CEP97: variants seen among roughly 807,000 people sequenced by gnomAD.
The protein encoded by CEP97 is centrosomal protein of 97 kDa.
A neutral mutation model predicts 73.1 loss-of-function variants in CEP97; 43 were observed. The ratio of observed to expected loss-of-function variants is 0.59; its 90% CI spans 0.46 to 0.76. CEP97 has a LOEUF of 0.76. CEP97 is among the 30% of genes least tolerant of loss of function. CEP97 has a pLI of 0.00. For missense variants in CEP97, 939 were observed against 1,014.0 expected, an observed-to-expected ratio of 0.93 and a Z score of 1.00; for synonymous variants, 337 against 370.0, an observed-to-expected ratio of 0.91 and a Z score of 1.02.
At chr3:101,749,547 C>G (rs2107169269) in intron 6 of CEP97, among the ~76,000 whole-genome samples, 1 of 130,802 alleles carries the variant, frequency 7.6e-6, no homozygotes, top group South Asian at 2.5e-4. Context: ...ATTTCTAGTT[C>G]TAGATTCCTG....
At chr3:101,762,711 A>G in intron 10 of CEP97, 151 bp downstream of exon 10, 2 of 540,150 alleles carry the variant, frequency 3.7e-6, no homozygotes, top group Non-Finnish European at 6.4e-6. Context: ...GTGAACTAGG[A>G]CAGTGAATTT....
chr3:101,769,658 C>T lies in CEP97; in HGVS notation c.*4107C>T, dbSNP rs561667503. 17 of 152,130 alleles carry T rather than the reference C, an allele frequency of 1.1e-4. No homozygotes were observed. The highest frequency in any genetic ancestry group is 2.2e-4 in the Non-Finnish European group (15 of 68,006). The allele number at this position is 152,130 out of a possible 1,614,324, so 9.4% of individuals were successfully genotyped here. On this transcript the variant is annotated 3_prime_UTR_variant, in exon 11 of 11. Coordinates refer to ENST00000341893, the MANE Select transcript of CEP97 (RefSeq NM_024548.4). ...TGTATATTTTTATTTTTTCCAAACA[C>T]CAGCTCGAATCAGAGTATATTTTTA... is the stretch of plus-strand genomic sequence containing the variant.
In CEP97 at chr3:101,731,882, G is replaced by A; in HGVS notation, c.490G>A (p.Ala164Thr). 6.2e-7 allele frequency: 1 copy of A among 1,611,158 alleles called. No homozygotes were observed. Among genetic ancestry groups the A allele is most frequent in the Admixed American group, 1.7e-5 (1 of 59,932 alleles). Reference protein sequence around the residue: ...HGNIITSLRMAPAYLPRSLAI... With the variant: ...HGNIITSLRMTPAYLPRSLAI... ...AAACATCATCACCTCTCTTAGAATG[G>A]CACCTGCTTACCTACCCAGAAGTCT... is the stretch of plus-strand genomic sequence containing the variant. The change falls in exon 5 of 11, where the codon GCA (alanine) becomes ACA (threonine). Residue 164 changes from alanine to threonine, a missense_variant. Coordinates refer to ENST00000341893, the MANE Select transcript of CEP97 (RefSeq NM_024548.4).
rs1261705606 is a variant in CEP97, at chr3:101,757,756, C to A, written c.1150C>A (p.Leu384Met). The A allele has an allele frequency of 6.2e-7, 1 of 1,614,090 alleles. No homozygotes were observed. The highest frequency in any genetic ancestry group is 1.3e-5 in the African/African-American group (1 of 74,918). The change falls in exon 9 of 11, where the codon CTG (leucine) becomes ATG (methionine). Residue 384 changes from leucine to methionine, a missense_variant. Transcript: ENST00000341893. ...GAGATATTCTCGAAATGATCTGCAC[C>A]TGGAAGACATACAGACGGATGAGGA... The part of the protein sequence containing the change: ...TTRYSRNDLH[L>M]EDIQTDEDKL...
intron 6 of CEP97, 55 bp from the exon 7 acceptor site, chr3:101,755,375 A>G (rs2107180332): frequency 1.4e-6 from 2 of 1,450,884 alleles, no homozygotes; most frequent in South Asian, 1.2e-5. Context: ...TTGCCTGACA[A>G]TGTGTGTTGA....
intron 6 of CEP97, among the ~76,000 whole-genome samples, chr3:101,743,863 G>C (rs1170977169): frequency 6.6e-6 from 1 of 152,102 alleles, no homozygotes; most frequent in Non-Finnish European, 1.5e-5. Context: ...AATTAGCTGG[G>C]TATGGTCGCG....
chr3:101,758,878 G>A (rs1269102994), intron 9 of CEP97: 1 of 156,964 alleles, frequency 6.4e-6, no homozygotes, highest in Non-Finnish European at 1.4e-5. Flanking sequence ...TGGCTCGTAT[G>A]TTTTACTGAC....
chr3:101,736,079 G>T (rs537151052), intron 6 of CEP97, among the ~76,000 whole-genome samples: 1 of 152,262 alleles, frequency 6.6e-6, no homozygotes, highest in East Asian at 1.9e-4. Flanking sequence ...AAAATCTCCC[G>T]CAAGTTCAAA....
intron 6 of CEP97, among the ~76,000 whole-genome samples, chr3:101,754,916 GGGTGGACTATAAGGTT>G (rs1275049459): frequency 6.0e-5 from 9 of 149,060 alleles, no homozygotes; most frequent in African/African-American, 2.0e-4. Context: ...TTTTTTTGAG[GGGTGGACTATAAGGTT>G]GGTGGACTAT....
intron 6 of CEP97, among the ~76,000 whole-genome samples, chr3:101,737,399 G>C (rs930666519): frequency 6.6e-6 from 1 of 152,040 alleles, no homozygotes; most frequent in Non-Finnish European, 1.5e-5. Context: ...TGCCAGATTC[G>C]CCAAAGTTGA....
chr3:101,748,239 G>GT lies in CEP97; in HGVS notation c.729-7181dup, dbSNP rs1378084517. On this transcript the variant is annotated intron_variant, in intron 6 of 10. Transcript: ENST00000341893. Reference sequence around the variant, plus strand: ...AATTGACAGGGAGTTTTTGTTTTTGGTTTTTTTTTTACGTAGGATTTAATA... The same window carrying GT: ...AATTGACAGGGAGTTTTTGTTTTTGGTTTTTTTTTTTACGTAGGATTTAATA... 4.9e-3 allele frequency among the ~76,000 whole-genome samples: 695 copies of GT among 142,658 alleles called. 1 individual carries two copies. Among genetic ancestry groups the GT allele is most frequent in the African/African-American group, 0.015 (601 of 38,848 alleles). The allele number at this position is 142,658 out of a possible 152,430, so 93.6% of individuals were successfully genotyped here. A position where few individuals can be genotyped will look rare whatever the true frequency, so the allele number is the denominator to read the frequency against.
chr3:101,731,412 GC>G (rs1425122145), intron 4 of CEP97, among the ~76,000 whole-genome samples: 1 of 151,766 alleles, frequency 6.6e-6, no homozygotes, highest in Non-Finnish European at 1.5e-5. Context: ...TGTTGCCCAG[GC>G]CGGTCTCAAA....
In CEP97 at chr3:101,768,030, C is replaced by G. The variant is rs908290259; in HGVS notation, c.*2479C>G. ...TGGAAAGTTAAGCTTTGAACATGGTCTTTGTGTTTTTTTCCTAACAAGGAA... is the reference window on the plus strand; with the variant it reads ...TGGAAAGTTAAGCTTTGAACATGGTGTTTGTGTTTTTTTCCTAACAAGGAA... On this transcript the variant is annotated 3_prime_UTR_variant, in exon 11 of 11. Transcript: ENST00000341893. 39 of 152,086 alleles carry G rather than the reference C, an allele frequency of 2.6e-4. No homozygotes were observed. Among genetic ancestry groups the G allele is most frequent in the African/African-American group, 9.4e-4 (39 of 41,414 alleles). The allele number at this position is 152,086 out of a possible 1,614,324, so 9.4% of individuals were successfully genotyped here.
At chr3:101,746,419 C>A (rs1416322854) in intron 6 of CEP97, among the ~76,000 whole-genome samples, 249 of 138,306 alleles carry the variant, frequency 1.8e-3, no homozygotes, top group South Asian at 3.8e-3. Flanking sequence ...GAAAAACAAG[C>A]AATGGGGAAA....
intron 6 of CEP97, among the ~76,000 whole-genome samples, chr3:101,735,195 TA>T (rs918440611): frequency 6.6e-6 from 1 of 152,206 alleles, no homozygotes; most frequent in Non-Finnish European, 1.5e-5. Flanking sequence ...TAAATAATGA[TA>T]AAAAAGTCTG....
At chr3:101,755,347 T>C (rs960511799) in intron 6 of CEP97, 83 bp from the exon 7 acceptor site, 3 of 1,219,392 alleles carry the variant, frequency 2.5e-6, no homozygotes, top group Non-Finnish European at 3.6e-6. Flanking sequence ...AAAGGTAAGT[T>C]AACAAGGAAG....
chr3:101,732,801 G>C, intron 6 of CEP97, 147 bp downstream of exon 6: 1 of 643,058 alleles, frequency 1.6e-6, no homozygotes, highest in South Asian at 2.5e-5. Context: ...TGGTCATTTA[G>C]GATTTTCTGT....
Position 101,770,465 on chromosome 3 carries a change from G to GT in CEP97, c.*4916dup, listed in dbSNP as rs755669963. On this transcript the variant is annotated 3_prime_UTR_variant, in exon 11 of 11. Transcript: ENST00000341893. ...TAGAAATAGTAAATGATTTAAAGTGGTTATGATGTGTTTTATGAAGGCTTA... is the reference window on the plus strand; with the variant it reads ...TAGAAATAGTAAATGATTTAAAGTGGTTTATGATGTGTTTTATGAAGGCTTA... 1 of 152,122 alleles carries GT rather than the reference G, an allele frequency of 6.6e-6. No individual in the cohort carries two copies. Among genetic ancestry groups the GT allele is most frequent in the Non-Finnish European group, 1.5e-5 (1 of 68,010 alleles). The allele number at this position is 152,122 out of a possible 1,614,324, so 9.4% of individuals were successfully genotyped here.
rs1938341861 is a variant in CEP97, at chr3:101,738,148, ACTAT to A, written c.728+5496_728+5499del. 2.6e-5 allele frequency among the ~76,000 whole-genome samples: 4 copies of A among 152,310 alleles called. No individual in the cohort carries two copies. In the South Asian group the frequency reaches 8.3e-4, roughly 32 times the overall value. ...GGGATCAATGGAACAAGAAGAGCTA[ACTAT>A]CCTAAATATATTTGCACCCAATACA... On this transcript the variant is annotated intron_variant, in intron 6 of 10. Coordinates refer to ENST00000341893, the MANE Select transcript of CEP97 (RefSeq NM_024548.4).
Sources: gnomAD v4.1 joint callset for allele counts (sites outside exome capture counted in the v4.1 genomes callset) on GRCh38, gnomAD v4.1.1 for gene constraint, MANE v1.5 for transcripts, NCBI Gene and HGNC (gene_info 2026-07-23, HGNC 2026-07-21) for gene names.